VCAM1: variants seen among roughly 807,000 people sequenced by gnomAD.
VCAM1 encodes vascular cell adhesion protein 1.
Under a neutral mutation model 63.8 loss-of-function variants are expected in VCAM1, and 41 were observed. The ratio of observed to expected loss-of-function variants is 0.64; its 90% CI spans 0.50 to 0.83. The LOEUF (loss-of-function observed/expected upper bound fraction) is 0.83, where lower values mean the gene tolerates loss of function less well. VCAM1 is among the 40% of genes least tolerant of loss of function. The pLI, the probability that VCAM1 is intolerant of heterozygous loss-of-function variation, is 0.00. For missense variants in VCAM1, 798 were observed against 875.5 expected (o/e 0.91, Z 1.12); for synonymous variants, 338 against 320.7 (o/e 1.05, Z -0.58).
rs375498902 is a variant in VCAM1, at chr1:100,723,084, C to T, written c.405C>T (p.Val135=). The part of the protein sequence containing the change: ...GPLEAGKPIT[V]KCSVADVYPF... ...TGGAGGCTGGGAAGCCGATCACAGT[C>T]AAGTGTTCAGTTGCTGATGTATACC... is the stretch of plus-strand genomic sequence containing the variant. The change falls in exon 3 of 9, where the codon GTC becomes GTT. Residue 135 remains valine, a synonymous_variant. Transcript: ENST00000294728. 2 of 1,612,894 alleles carry T rather than the reference C, an allele frequency of 1.2e-6. No individual in the cohort carries two copies. Among genetic ancestry groups the T allele is most frequent in the South Asian group, 1.1e-5 (1 of 91,022 alleles).
Position 100,734,734 on chromosome 1 carries a change from C to A in VCAM1, c.2025C>A (p.Gly675=), listed in dbSNP as rs1324859827. Residue 675 remains glycine, a synonymous_variant, in exon 8 of 9, where the codon GGC becomes GGA. Coordinates refer to ENST00000294728, the MANE Select transcript of VCAM1 (RefSeq NM_001078.4). ...VYECESKNKV[G]SQLRSLTLDV... ...AATGTGAATCTAAAAACAAAGTTGG[C>A]TCACAATTAAGAAGTTTAACACTTG... 6.2e-7 allele frequency: 1 copy of A among 1,613,788 alleles called. No homozygotes were observed. Among genetic ancestry groups the A allele is most frequent in the Non-Finnish European group, 8.5e-7 (1 of 1,179,854 alleles).
intron 4 of VCAM1, 49 bp downstream of exon 4, chr1:100,724,939 T>G: frequency 6.3e-7 from 1 of 1,592,574 alleles, no homozygotes; most frequent in Non-Finnish European, 8.6e-7. Context: ...CAGTGGGATT[T>G]GAGCAATAGT....
intron 7 of VCAM1, 113 bp downstream of exon 7, chr1:100,732,797 G>C: frequency 8.4e-7 from 1 of 1,185,248 alleles, no homozygotes; most frequent in Non-Finnish European, 1.2e-6. Context: ...TGTGATGAGG[G>C]TTTTGAAGAG....
At chr1:100,727,806 C>T (rs1225052660) in intron 4 of VCAM1, among the ~76,000 whole-genome samples, 1 of 152,066 alleles carries the variant, frequency 6.6e-6, no homozygotes, top group East Asian at 1.9e-4. Flanking sequence ...AATGAGCTCT[C>T]TTTCAAAATC....
chr1:100,727,043 C>CTGTGTGTGTGTG (rs57979614), intron 4 of VCAM1, among the ~76,000 whole-genome samples: 2,591 of 147,750 alleles, frequency 0.018, 20 homozygotes, highest in Middle Eastern at 0.024. Flanking sequence ...ATCAGGAATT[C>CTGTGTGTGTGTG]TGTGTGTGTG....
chr1:100,723,420 TAA>T (rs34323941), intron 3 of VCAM1, 80 bp downstream of exon 3: 1,782 of 1,108,314 alleles, frequency 1.6e-3, no homozygotes, highest in African/African-American at 1.9e-3. Flanking sequence ...AGCAGAAAAG[TAA>T]AAAAAAAAAA....
chr1:100,730,039 C>T (rs1009627588), intron 5 of VCAM1, among the ~76,000 whole-genome samples: 2 of 152,108 alleles, frequency 1.3e-5, no homozygotes, highest in Admixed American at 1.3e-4. Flanking sequence ...TGGAGTTCCT[C>T]AGTCCATATT....
intron 3 of VCAM1, 77 bp downstream of exon 3, chr1:100,723,417 A>C: frequency 2.8e-6 from 4 of 1,434,220 alleles, no homozygotes; most frequent in Non-Finnish European, 3.8e-6. Context: ...CTTAGCAGAA[A>C]AGTAAAAAAA....
intron 8 of VCAM1, 114 bp from the exon 9 acceptor site, chr1:100,738,009 A>T: frequency 8.4e-7 from 1 of 1,195,102 alleles, no homozygotes; most frequent in Non-Finnish European, 1.2e-6. Flanking sequence ...CACTGCTTTG[A>T]TTCCCTTCTC....
At position 100,720,649 on chromosome 1, in the gene VCAM1, C is replaced by G. The variant is rs900346086; in HGVS notation, c.238C>G (p.Leu80Val). Residue 80 changes from leucine (L) to valine (V), a missense_variant, in exon 2 of 9, where the codon CTG becomes GTG. By Grantham distance (32) the Leu-to-Val change is conservative (BLOSUM62 1). Transcript: ENST00000294728. ...GACGAATGAGGGGACCACATCTACGCTGACAATGAATCCTGTTAGTTTTGG... is the reference window on the plus strand; with the variant it reads ...GACGAATGAGGGGACCACATCTACGGTGACAATGAATCCTGTTAGTTTTGG... ...KVTNEGTTST[L>V]TMNPVSFGNE... 6.2e-7 allele frequency: 1 copy of G among 1,613,130 alleles called. No homozygotes were observed. The highest frequency in any genetic ancestry group is 1.7e-5 in the Admixed American group (1 of 59,854).
intron 4 of VCAM1, among the ~76,000 whole-genome samples, chr1:100,725,108 T>A (rs1660115298): frequency 6.6e-6 from 1 of 151,976 alleles, no homozygotes; most frequent in Non-Finnish European, 1.5e-5. Flanking sequence ...TTCTTTTTCA[T>A]CTCATATCAC....
chr1:100,735,898 T>A (rs1313398308), intron 8 of VCAM1: 1 of 152,220 alleles, frequency 6.6e-6, no homozygotes, highest in Non-Finnish European at 1.5e-5. Flanking sequence ...TTGTATCATG[T>A]CACTCAAAAT....
Position 100,738,862 on chromosome 1 carries a change from G to C in VCAM1, c.*579G>C, listed in dbSNP as rs1415236283. 6.6e-6 allele frequency: 1 copy of C among 152,256 alleles called. No homozygotes were observed. The highest frequency in any genetic ancestry group is 2.4e-5 in the African/African-American group (1 of 41,456). The allele number at this position is 152,256 out of a possible 1,614,324, so 9.4% of individuals were successfully genotyped here. On this transcript the variant is annotated 3_prime_UTR_variant, in exon 9 of 9. Transcript: ENST00000294728. ...CAGGTACTAAATACCTCAACCTATGGTATAATGGTTGACTGGGTTTCTCTG... is the reference window on the plus strand; with the variant it reads ...CAGGTACTAAATACCTCAACCTATGCTATAATGGTTGACTGGGTTTCTCTG...
rs1324070583 is a variant in VCAM1, at chr1:100,731,890, T to C, written c.1525+372T>C. Among the ~76,000 whole-genome samples the C allele has an allele frequency of 6.6e-6, 1 of 152,138 alleles. No homozygotes were observed. Among genetic ancestry groups the C allele is most frequent in the Non-Finnish European group, 1.5e-5 (1 of 68,018 alleles). ...ATGACTTGGCCTCTCTTTCTTTATG[T>C]GGTGTCACCCTGAGGAACAGTAGCC... On this transcript the variant is annotated intron_variant, in intron 6 of 8. Transcript: ENST00000294728. This position sits in a 1 kb window ranked among gnomAD's most constrained non-coding sequence, Gnocchi z 4.2.
intron 8 of VCAM1, chr1:100,735,334 A>T (rs1459365905): frequency 6.5e-6 from 1 of 153,152 alleles, no homozygotes; most frequent in Non-Finnish European, 1.5e-5. Context: ...GAAAGAGAGG[A>T]GCAGTATCCT....
chr1:100,722,829 T>TA (rs1174812325), intron 2 of VCAM1, among the ~76,000 whole-genome samples, 191 bp from the exon 3 acceptor site: 4 of 152,108 alleles, frequency 2.6e-5, no homozygotes, highest in Non-Finnish European at 4.4e-5. Context: ...AATAATGTTG[T>TA]AAAAAATGTT....
intron 4 of VCAM1, among the ~76,000 whole-genome samples, chr1:100,725,555 C>T (rs1005584577): frequency 2.0e-5 from 3 of 151,980 alleles, no homozygotes; most frequent in African/African-American, 7.2e-5. Context: ...GATTGTACAC[C>T]TAATATTTCC....
chr1:100,727,156 A>G (rs1660193208), intron 4 of VCAM1, among the ~76,000 whole-genome samples: 1 of 151,924 alleles, frequency 6.6e-6, no homozygotes, highest in Non-Finnish European at 1.5e-5. Flanking sequence ...TGAATAGATT[A>G]TAAACATGGG....
At chr1:100,721,154 C>G (rs1659938100) in intron 2 of VCAM1, among the ~76,000 whole-genome samples, 1 of 151,896 alleles carries the variant, frequency 6.6e-6, no homozygotes, top group Non-Finnish European at 1.5e-5. Flanking sequence ...TTCATTTATT[C>G]TTATGCAATT....
Sources: allele counts gnomAD v4.1 joint callset (sites outside exome capture counted in the v4.1 genomes callset), GRCh38; gene constraint gnomAD v4.1.1; non-coding constraint Gnocchi (gnomAD v3.1); transcripts MANE v1.5; gene names NCBI Gene and HGNC (gene_info 2026-07-23, HGNC 2026-07-21).